Variants in PDZRN4 observed in about 807,000 individuals in gnomAD.
PDZRN4 encodes the protein PDZ domain containing ring finger 4, also known as PDZ domain-containing RING finger protein 4.
PDZRN4 carries 70 observed loss-of-function variants against 99.0 expected under a neutral mutation model. That is an observed-to-expected ratio of 0.71 (90% CI 0.58 to 0.86). The LOEUF is 0.86. Among genes scored for constraint, PDZRN4 ranks in the 40% least tolerant of loss-of-function variants. The pLI is 0.00. For missense variants in PDZRN4, 1,474 were observed against 1,331.2 expected, an observed-to-expected ratio of 1.11 and a Z score of -1.67; for synonymous variants, 551 against 501.6, an observed-to-expected ratio of 1.10 and a Z score of -1.32.
intron 3 of PDZRN4, among the ~76,000 whole-genome samples, chr12:41,261,462 A>C (rs1951239249): frequency 1.3e-5 from 2 of 152,074 alleles, no homozygotes; most frequent in Non-Finnish European, 2.9e-5. Flanking sequence ...TCTTTCACAA[A>C]GGCAAAGTAG....
chr12:41,370,659 G>T (rs546215305), intron 3 of PDZRN4, among the ~76,000 whole-genome samples: 4 of 151,596 alleles, frequency 2.6e-5, no homozygotes. Context: ...CATTTTCCCC[G>T]TTTTCTTCTT....
At chr12:41,291,340 G>C (rs1190166254) in intron 3 of PDZRN4, among the ~76,000 whole-genome samples, 3 of 152,094 alleles carry the variant, frequency 2.0e-5, no homozygotes, top group African/African-American at 2.4e-5. Context: ...AATTTGCTTA[G>C]GTGAAGGCCT....
chr12:41,555,052 CAAAAAAAAAAAAAAAA>C (rs67810817), intron 6 of PDZRN4, among the ~76,000 whole-genome samples: 3 of 113,542 alleles, frequency 2.6e-5, no homozygotes, highest in Non-Finnish European at 5.4e-5. Context: ...ACTAAAAATA[CAAAAAAAAAAAAAAAA>C]AAAAAAAAAA....
In PDZRN4 at chr12:41,506,636, C is replaced by T; in HGVS notation, c.1024C>T (p.His342Tyr). The T allele has an allele frequency of 6.2e-7, 1 of 1,613,904 alleles. No individual in the cohort carries two copies. The highest frequency in any genetic ancestry group is 1.7e-4 in the Middle Eastern group (1 of 6,054). The change falls in exon 4 of 10, where the codon CAC becomes TAC. Residue 342 changes from histidine to tyrosine, a missense_variant. Coordinates refer to ENST00000402685, the MANE Select transcript of PDZRN4 (RefSeq NM_001164595.2). ...ASTQTDITFE[H>Y]IMALAKLRPP... ...CACTCAGACGGACATCACCTTCGAACACATCATGGCTCTGGCCAAGCTTCG... is the reference window on the plus strand; with the variant it reads ...CACTCAGACGGACATCACCTTCGAATACATCATGGCTCTGGCCAAGCTTCG...
intron 3 of PDZRN4, among the ~76,000 whole-genome samples, chr12:41,262,521 T>C (rs572984095): frequency 7.9e-5 from 12 of 152,334 alleles, no homozygotes; most frequent in Admixed American, 2.0e-4. Flanking sequence ...CTTATAATAA[T>C]TTCTTATGCA....
chr12:41,451,173 TTA>T (rs1491536768), intron 3 of PDZRN4, among the ~76,000 whole-genome samples: 1 of 61,752 alleles, frequency 1.6e-5, no homozygotes, highest in Admixed American at 1.8e-4. Context: ...CAATTTAGAT[TTA>T]AAAAAAAAAA....
intron 3 of PDZRN4, among the ~76,000 whole-genome samples, chr12:41,430,242 G>T (rs1257049713): frequency 6.6e-6 from 1 of 152,142 alleles, no homozygotes; most frequent in Non-Finnish European, 1.5e-5. Context: ...GGCCAAGGTG[G>T]GTGGATCACG....
chr12:41,460,090 A>G (rs1422845161), intron 3 of PDZRN4: 7 of 1,281,746 alleles, frequency 5.5e-6, no homozygotes, highest in Non-Finnish European at 7.1e-6. Flanking sequence ...CCCTATTTAT[A>G]TATTTTCTGT....
At chr12:41,554,186 G>A (rs1215718924) in intron 6 of PDZRN4, among the ~76,000 whole-genome samples, 2 of 152,266 alleles carry the variant, frequency 1.3e-5, no homozygotes, top group East Asian at 3.9e-4. Flanking sequence ...ATTATCTCTT[G>A]TAATATGTAC....
Position 41,237,283 on chromosome 12 carries a change from T to C in PDZRN4, c.843+43095T>C, listed in dbSNP as rs546320884. 9.9e-5 allele frequency among the ~76,000 whole-genome samples: 15 copies of C among 152,166 alleles called. No homozygotes were observed. In the East Asian group the frequency reaches 2.3e-3, roughly 24 times the overall value. ...TATTTCATAATATTTTAAAAAGAAATGTATTTCCTAGTTTTTTCTCATAAA... is the reference window on the plus strand; with the variant it reads ...TATTTCATAATATTTTAAAAAGAAACGTATTTCCTAGTTTTTTCTCATAAA... On this transcript the variant is annotated intron_variant, in intron 3 of 9. Coordinates refer to ENST00000402685, the MANE Select transcript of PDZRN4 (RefSeq NM_001164595.2).
chr12:41,427,400 C>G (rs1345766983), intron 3 of PDZRN4, among the ~76,000 whole-genome samples: 1 of 152,074 alleles, frequency 6.6e-6, no homozygotes, highest in African/African-American at 2.4e-5. Flanking sequence ...TCGTAAGACC[C>G]CTTTGTGGTA....
At chr12:41,349,366 G>A (rs1215495473) in intron 3 of PDZRN4, among the ~76,000 whole-genome samples, 3 of 151,656 alleles carry the variant, frequency 2.0e-5, no homozygotes, top group African/African-American at 7.3e-5. Context: ...AGAGAAGACT[G>A]AATTTAGGAT....
intron 3 of PDZRN4, among the ~76,000 whole-genome samples, chr12:41,289,446 G>C (rs1415844006): frequency 1.3e-5 from 2 of 152,128 alleles, no homozygotes; most frequent in Non-Finnish European, 2.9e-5. Flanking sequence ...ATTGAAACAG[G>C]TGGGAAATAA....
chr12:41,424,068 A>G (rs1306069029), intron 3 of PDZRN4, among the ~76,000 whole-genome samples: 1 of 152,198 alleles, frequency 6.6e-6, no homozygotes, highest in Non-Finnish European at 1.5e-5. Context: ...TTCTCTAAAA[A>G]TTAATAAATG....
chr12:41,437,843 T>C, intron 3 of PDZRN4: 1 of 1,603,546 alleles, frequency 6.2e-7, no homozygotes, highest in African/African-American at 1.3e-5. Context: ...AAGTGACTGA[T>C]GAAAAACAGT....
chr12:41,335,082 A>T (rs1045744469), intron 3 of PDZRN4, among the ~76,000 whole-genome samples: 1 of 152,102 alleles, frequency 6.6e-6, no homozygotes, highest in African/African-American at 2.4e-5. Flanking sequence ...TAAACATATT[A>T]AATATAAAGG....
intron 5 of PDZRN4, among the ~76,000 whole-genome samples, chr12:41,516,398 A>G (rs1250017908): frequency 6.6e-6 from 1 of 152,048 alleles, no homozygotes; most frequent in Non-Finnish European, 1.5e-5. Flanking sequence ...TTCTTATTTT[A>G]TAAGTCCCCA....
intron 3 of PDZRN4, among the ~76,000 whole-genome samples, chr12:41,479,553 T>C (rs1229699571): frequency 3.3e-5 from 5 of 152,192 alleles, no homozygotes; most frequent in African/African-American, 1.2e-4. Context: ...CTAAGTTGCA[T>C]GGGAATCGTA....
intron 3 of PDZRN4, among the ~76,000 whole-genome samples, chr12:41,497,372 A>G (rs1938027210): frequency 6.6e-6 from 1 of 152,062 alleles, no homozygotes; most frequent in Admixed American, 6.6e-5. Context: ...ATATCCTTAG[A>G]CCTGTTATAG....
Sources: gnomAD v4.1 joint callset for allele counts (sites outside exome capture counted in the v4.1 genomes callset) on GRCh38, gnomAD v4.1.1 for gene constraint, MANE v1.5 for transcripts, NCBI Gene and HGNC (gene_info 2026-07-23, HGNC 2026-07-21) for gene names.